The following AK9 variants were observed in gnomAD, a reference collection of about 807,000 sequenced individuals.
AK9 encodes the protein adenylate kinase 9.
AK9 carries 191 observed loss-of-function variants against 239.6 expected under a neutral mutation model. The observed-to-expected ratio is 0.80, with a 90% CI of 0.71 to 0.90. The LOEUF is 0.90. Ranked by LOEUF, AK9 falls within the 40% of genes least tolerant of loss-of-function variation. AK9 has a pLI of 0.00. For synonymous variants in AK9, 689 were observed against 721.0 expected (o/e 0.96, Z 0.71); for missense variants, 1,995 against 2,214.7 (o/e 0.90, Z 1.99).
At chr6:109,621,956 A>G in intron 12 of AK9, among the ~76,000 whole-genome samples, 1 of 147,568 alleles carries the variant, frequency 6.8e-6, no homozygotes, top group Non-Finnish European at 1.5e-5. Context: ...AAAAAAACAA[A>G]AAAAAAAACA....
At chr6:109,659,992 G>A (rs1166425973) in intron 6 of AK9, among the ~76,000 whole-genome samples, 2 of 152,222 alleles carry the variant, frequency 1.3e-5, no homozygotes, top group African/African-American at 2.4e-5. Context: ...CTACAAGTAA[G>A]TTTCTTGTTC....
intron 21 of AK9, among the ~76,000 whole-genome samples, chr6:109,565,235 G>C (rs933835335): frequency 6.6e-6 from 1 of 152,148 alleles, no homozygotes; most frequent in Non-Finnish European, 1.5e-5. Flanking sequence ...CCTAGCCTTT[G>C]GGAGGCAGAG....
At chr6:109,637,241 A>AT (rs965113353) in intron 10 of AK9, among the ~76,000 whole-genome samples, 2 of 151,992 alleles carry the variant, frequency 1.3e-5, no homozygotes, top group Non-Finnish European at 2.9e-5. Context: ...TTTGAACTGG[A>AT]TTTTTTTACT....
Position 109,515,964 on chromosome 6 carries a change from C to T in AK9, c.3958G>A (p.Ala1320Thr), listed in dbSNP as rs760646402. ...GGATGACATTTCTCAAAAATGCTTGCACGATTTTCCACCAGTGGTTTCAGT... is the reference window on the plus strand; with the variant it reads ...GGATGACATTTCTCAAAAATGCTTGTACGATTTTCCACCAGTGGTTTCAGT... ...MKLKPLVENR[A>T]SIFEKCHPIP... The change falls in exon 31 of 41, where the codon GCA becomes ACA. Residue 1320 changes from alanine (A) to threonine (T), a missense_variant. Transcript: ENST00000424296. 1.3e-6 allele frequency: 2 copies of T among 1,551,514 alleles called. No individual in the cohort carries two copies. The highest frequency in any genetic ancestry group is 2.4e-5 in the South Asian group (2 of 84,054).
intron 21 of AK9, among the ~76,000 whole-genome samples, chr6:109,572,103 A>G (rs533788334): frequency 2.6e-5 from 4 of 152,304 alleles, no homozygotes; most frequent in Admixed American, 2.6e-4. Context: ...GTGAAACTCT[A>G]AAGTCTCAGT....
Position 109,497,796 on chromosome 6 carries a change from C to G in AK9, c.5216G>C (p.Arg1739Thr). 7 of 1,610,942 alleles carry G rather than the reference C, an allele frequency of 4.3e-6. No individual in the cohort carries two copies. Among genetic ancestry groups the G allele is most frequent in the Non-Finnish European group, 5.9e-6 (7 of 1,177,422 alleles). Residue 1739 changes from arginine to threonine, a missense_variant and splice_region_variant, in exon 37 of 41, where the codon AGA becomes ACA. Transcript: ENST00000424296. ...TACTTCCATGAAGGCCAGGACTTGC[C>G]TTTGGTTTCCATCCTTATAGGTCAC... ...CPVTYKDGNQRYEALVPGSIN... is the reference protein window; with the variant it reads ...CPVTYKDGNQTYEALVPGSIN...
intron 12 of AK9, among the ~76,000 whole-genome samples, chr6:109,623,970 T>C (rs1481769693): frequency 6.6e-6 from 1 of 151,578 alleles, no homozygotes; most frequent in East Asian, 1.9e-4. Context: ...AAAAATAATA[T>C]GCATTATTCA....
At chr6:109,665,540 A>G (rs1017001626) in intron 5 of AK9, among the ~76,000 whole-genome samples, 5 of 152,152 alleles carry the variant, frequency 3.3e-5, no homozygotes, top group African/African-American at 4.8e-5. Context: ...TTGTGAGTCT[A>G]GCTTCCACTT....
chr6:109,606,273 G>C (rs1012359170), intron 17 of AK9, among the ~76,000 whole-genome samples: 3 of 151,948 alleles, frequency 2.0e-5, no homozygotes, highest in African/African-American at 7.3e-5. Flanking sequence ...TAGATAGATA[G>C]ATAGATAGAT....
chr6:109,516,220 T>G, intron 30 of AK9, 145 bp from the exon 31 acceptor site: 1 of 905,096 alleles, frequency 1.1e-6, no homozygotes, highest in South Asian at 1.8e-5. Flanking sequence ...TGCATGTTGG[T>G]GACTAAACTT....
intron 33 of AK9, among the ~76,000 whole-genome samples, chr6:109,507,397 G>A (rs1039283509): frequency 1.2e-4 from 19 of 152,276 alleles, no homozygotes; most frequent in African/African-American, 4.6e-4. Context: ...GCTCTGTGAG[G>A]AGGCTGGGAG....
At chr6:109,536,182 A>G (rs577875142) in intron 27 of AK9, among the ~76,000 whole-genome samples, 19 of 152,304 alleles carry the variant, frequency 1.2e-4, no homozygotes, top group African/African-American at 4.6e-4. Flanking sequence ...CACTGAATCT[A>G]TAAATTACCT....
At position 109,497,850 on chromosome 6, in the gene AK9, T is replaced by A; in HGVS notation, c.5162A>T (p.Lys1721Met). 1 of 1,613,948 alleles carries A rather than the reference T, an allele frequency of 6.2e-7. No homozygotes were observed. Reference sequence around the variant, plus strand: ...ACAGTAGCCCTGGAGCTCCGCACACTTAGGGAATCGACTCTTCAGCTCTGA... The same window carrying A: ...ACAGTAGCCCTGGAGCTCCGCACACATAGGGAATCGACTCTTCAGCTCTGA... ...TLSELKSRFP[K>M]CAELQGYCPV... Residue 1721 changes from lysine to methionine, a missense_variant, in exon 37 of 41, where the codon AAG (lysine) becomes ATG (methionine). Physicochemically the swap from Lys to Met is moderately conservative, Grantham distance 95. Around this residue, in one of 5 missense-constraint regions of AK9, gnomAD observed 391 missense variants for 456.0 expected, o/e 0.86. Coordinates refer to ENST00000424296, the MANE Select transcript of AK9 (RefSeq NM_001145128.3).
chr6:109,540,194 C>T (rs1325203949), intron 27 of AK9, among the ~76,000 whole-genome samples: 1 of 152,210 alleles, frequency 6.6e-6, no homozygotes, highest in Admixed American at 6.5e-5. Flanking sequence ...ATGCCCTGCA[C>T]CCAGAGGTGG....
At chr6:109,593,668 G>A (rs911852272) in intron 17 of AK9, among the ~76,000 whole-genome samples, 1 of 152,088 alleles carries the variant, frequency 6.6e-6, no homozygotes, top group African/African-American at 2.4e-5. Context: ...TATCCACCAC[G>A]ATCAAGTCAG....
At chr6:109,540,028 C>T (rs1051036138) in intron 27 of AK9, among the ~76,000 whole-genome samples, 40 of 152,210 alleles carry the variant, frequency 2.6e-4, no homozygotes, top group Middle Eastern at 3.4e-3. Flanking sequence ...GGGGTGCCTC[C>T]CAGTTAGGGT....
chr6:109,689,619 G>T (rs1312561447), intron 1 of AK9, among the ~76,000 whole-genome samples: 1 of 152,198 alleles, frequency 6.6e-6, no homozygotes, highest in Non-Finnish European at 1.5e-5. Flanking sequence ...AGCCCACAGA[G>T]AAATTTCTCT....
At chr6:109,526,416 G>C (rs959327029) in intron 29 of AK9, among the ~76,000 whole-genome samples, 44 of 152,086 alleles carry the variant, frequency 2.9e-4, no homozygotes, top group African/African-American at 7.5e-4. Context: ...AAGGGGAACA[G>C]AGAAACAGAA....
At chr6:109,581,351 T>C (rs1788834698) in intron 19 of AK9, among the ~76,000 whole-genome samples, 1 of 152,176 alleles carries the variant, frequency 6.6e-6, no homozygotes, top group Admixed American at 6.6e-5. Context: ...ATGCCTCTGG[T>C]GCAAAATAGT....
Sources: allele counts gnomAD v4.1 joint callset (sites outside exome capture counted in the v4.1 genomes callset), GRCh38; gene constraint gnomAD v4.1.1; regional missense constraint gnomAD v4.1.1; transcripts MANE v1.5; gene names NCBI Gene and HGNC (gene_info 2026-07-23, HGNC 2026-07-21).